The following SAMMSON variants were observed in gnomAD, a reference collection of about 807,000 sequenced individuals.
SAMMSON encodes the protein survival associated mitochondrial melanoma specific oncogenic non-coding RNA, also known as long intergenic non-protein coding RNA 1212.
At chr3:70,309,640 T>C (rs556501308) in intron 7 of SAMMSON, among the ~76,000 whole-genome samples, 2 of 152,264 alleles carry the variant, frequency 1.3e-5, no homozygotes, top group East Asian at 1.9e-4. Context: ...CCACTTTGAC[T>C]TTTTTAAATA....
At chr3:70,361,320 C>T (rs964878223) in intron 9 of SAMMSON, among the ~76,000 whole-genome samples, 17 of 152,144 alleles carry the variant, frequency 1.1e-4, no homozygotes, top group Admixed American at 3.3e-4. Context: ...AATGCAGTCA[C>T]ATCCGACATT....
chr3:70,019,370 T>G (rs1163528821), intron 3 of SAMMSON, among the ~76,000 whole-genome samples: 4 of 152,158 alleles, frequency 2.6e-5, no homozygotes, highest in Admixed American at 6.6e-5. Flanking sequence ...CTTTGTTGGT[T>G]TAAAGTCTGT....
intron 4 of SAMMSON, chr3:70,197,230 G>A (rs559125084): frequency 1.8e-5 from 7 of 398,100 alleles, no homozygotes; most frequent in Non-Finnish European, 2.7e-5. Context: ...ATCTGGGGGC[G>A]TCTATGAAGG....
At chr3:70,253,473 G>A (rs74280908) in intron 6 of SAMMSON, among the ~76,000 whole-genome samples, 20,338 of 152,224 alleles carry the variant, frequency 0.13, 1,722 homozygotes, top group East Asian at 0.42. Context: ...GTTTCATCCA[G>A]CTGGGCACAG....
chr3:70,312,893 A>G (rs558640066), intron 7 of SAMMSON, among the ~76,000 whole-genome samples: 4 of 152,240 alleles, frequency 2.6e-5, no homozygotes, highest in African/African-American at 9.6e-5. Context: ...CCTGCCATTC[A>G]TTACTTCAAG....
intron 6 of SAMMSON, among the ~76,000 whole-genome samples, chr3:70,284,275 C>A (rs532694426): frequency 2.1e-4 from 32 of 152,230 alleles, no homozygotes; most frequent in African/African-American, 7.2e-4. Context: ...CTAATCCCTA[C>A]GATTTATTTC....
intron 4 of SAMMSON, among the ~76,000 whole-genome samples, chr3:70,139,252 G>A (rs2067518058): frequency 1.3e-5 from 2 of 152,140 alleles, no homozygotes; most frequent in Admixed American, 6.5e-5. Flanking sequence ...GTCCAGGCTG[G>A]TCTTGAACTC....
chr3:70,339,319 G>A (rs528603834), intron 7 of SAMMSON, among the ~76,000 whole-genome samples: 5 of 152,008 alleles, frequency 3.3e-5, no homozygotes, highest in African/African-American at 9.7e-5. Flanking sequence ...AACCTAGACA[G>A]TACCATTCAG....
At chr3:70,222,558 A>C (rs969792162) in intron 4 of SAMMSON, among the ~76,000 whole-genome samples, 10 of 152,194 alleles carry the variant, frequency 6.6e-5, no homozygotes, top group African/African-American at 2.4e-4. Context: ...TTGAATTCCA[A>C]ATAAATTTGA....
At chr3:70,244,917 C>T (rs1421811570) in intron 4 of SAMMSON, among the ~76,000 whole-genome samples, 2 of 152,108 alleles carry the variant, frequency 1.3e-5, no homozygotes, top group Non-Finnish European at 2.9e-5. Context: ...AAATAGTCTT[C>T]AGGACTATAA....
intron 3 of SAMMSON, among the ~76,000 whole-genome samples, chr3:70,021,913 A>T (rs1224947648): frequency 6.6e-6 from 1 of 152,120 alleles, no homozygotes; most frequent in African/African-American, 2.4e-5. Context: ...TTTCAAAGAA[A>T]CCTATGAAAT....
chr3:70,071,112 GA>G (rs916407036), intron 3 of SAMMSON, among the ~76,000 whole-genome samples: 15 of 151,288 alleles, frequency 9.9e-5, no homozygotes, highest in East Asian at 7.8e-4. Context: ...TTAGAACAGG[GA>G]AAAAAAAGGG....
At chr3:70,250,602 A>C (rs1437062187) in intron 6 of SAMMSON, among the ~76,000 whole-genome samples, 1 of 152,176 alleles carries the variant, frequency 6.6e-6, no homozygotes, top group Non-Finnish European at 1.5e-5. Context: ...CCAGTTTGGC[A>C]AAGGTTTGTT....
intron 2 of SAMMSON, among the ~76,000 whole-genome samples, chr3:70,404,827 G>A (rs1428050232): frequency 6.6e-6 from 1 of 152,090 alleles, no homozygotes; most frequent in Non-Finnish European, 1.5e-5. Flanking sequence ...CTGAGTTGAG[G>A]AGTCAGAGCC....
intron 4 of SAMMSON, among the ~76,000 whole-genome samples, chr3:70,134,401 A>C (rs1270433602): frequency 6.6e-6 from 1 of 151,952 alleles, no homozygotes; most frequent in Admixed American, 6.6e-5. Flanking sequence ...CTGACCTATG[A>C]AAAAGTGTTA....
chr3:70,047,977 G>A (rs1464270412), intron 3 of SAMMSON, among the ~76,000 whole-genome samples: 1 of 151,900 alleles, frequency 6.6e-6, no homozygotes, highest in Non-Finnish European at 1.5e-5. Context: ...TGTTGTATTG[G>A]GGATTAAGTT....
chr3:70,322,142 T>C (rs541979400), intron 7 of SAMMSON, among the ~76,000 whole-genome samples: 1 of 152,134 alleles, frequency 6.6e-6, no homozygotes, highest in Non-Finnish European at 1.5e-5. Context: ...AATTATTTAC[T>C]AATAAGAAAA....
intron 3 of SAMMSON, among the ~76,000 whole-genome samples, chr3:70,039,799 A>G (rs922247990): frequency 2.6e-5 from 4 of 152,052 alleles, no homozygotes; most frequent in African/African-American, 9.7e-5. Context: ...TGGGTGCACC[A>G]GCAAGGAACA....
chr3:70,327,581 G>A (rs369699377), intron 7 of SAMMSON, among the ~76,000 whole-genome samples: 37 of 152,190 alleles, frequency 2.4e-4, no homozygotes, highest in East Asian at 1.4e-3. Context: ...GGCTCAATCC[G>A]TCCAAGTGAG....
Sources: allele counts gnomAD v4.1 joint callset (sites outside exome capture counted in the v4.1 genomes callset), GRCh38; gene constraint gnomAD v4.1.1; transcripts MANE v1.5; gene names NCBI Gene and HGNC (gene_info 2026-07-23, HGNC 2026-07-21).